Variants in NLGN4X observed in about 807,000 individuals in gnomAD.
The protein encoded by NLGN4X is neuroligin 4 X-linked.
A neutral mutation model predicts 40.3 loss-of-function variants in NLGN4X; 3 were observed. The ratio of observed to expected loss-of-function variants is 0.07; its 90% CI spans 0.03 to 0.19. The LOEUF (loss-of-function observed/expected upper bound fraction) is 0.19, where lower values mean the gene tolerates loss of function less well. Ranked by LOEUF, NLGN4X falls within the 10% of genes least tolerant of loss-of-function variation. The pLI is 1.00. For missense variants in NLGN4X, 382 were observed against 708.3 expected, an observed-to-expected ratio of 0.54 and a Z score of 5.23; for synonymous variants, 270 against 306.8, an observed-to-expected ratio of 0.88 and a Z score of 1.25.
At chrX:6,079,278 C>T (rs1255913552) in intron 2 of NLGN4X, among the ~76,000 whole-genome samples, 1 of 111,988 alleles carries the variant, frequency 8.9e-6, no homozygotes, top group East Asian at 2.8e-4. Context: ...AGACTACCAG[C>T]CCTATTACTA....
intron 1 of NLGN4X, among the ~76,000 whole-genome samples, chrX:6,165,841 A>G (rs920872936): frequency 4.5e-5 from 5 of 111,608 alleles, no homozygotes; most frequent in African/African-American, 6.5e-5. Flanking sequence ...GTGAGTACAT[A>G]GCAGGTGTAT....
At chrX:5,941,739 C>T (rs2033951796) in intron 3 of NLGN4X, among the ~76,000 whole-genome samples, 1 of 112,317 alleles carries the variant, frequency 8.9e-6, no homozygotes, top group African/African-American at 3.2e-5. Flanking sequence ...CCTGTGATTA[C>T]CCAAAGGAAT....
At chrX:6,048,947 C>G (rs1415720967) in intron 2 of NLGN4X, among the ~76,000 whole-genome samples, 5 of 106,951 alleles carry the variant, frequency 4.7e-5, no homozygotes, top group Admixed American at 1.0e-4. Flanking sequence ...CCATGGCACA[C>G]GTTTACCTAT....
intron 3 of NLGN4X, among the ~76,000 whole-genome samples, chrX:5,922,529 T>C (rs1023360033): frequency 8.9e-6 from 1 of 111,777 alleles, no homozygotes. Flanking sequence ...TATGCTGTAC[T>C]GCCTCAAACT....
chrX:6,214,874 A>G (rs767974830), intron 1 of NLGN4X, among the ~76,000 whole-genome samples: 2 of 112,313 alleles, frequency 1.8e-5, no homozygotes, highest in South Asian at 7.5e-4. Flanking sequence ...GCAATTAATT[A>G]ACACTTCAAA....
chrX:6,200,687 C>CTTTTTTTTTTTCTTTTTTTTTTTTTTTTT (rs1556005144), intron 1 of NLGN4X, among the ~76,000 whole-genome samples: 7 of 55,542 alleles, frequency 1.3e-4, no homozygotes, highest in East Asian at 4.6e-4. Flanking sequence ...CTTTCCTTTT[C>CTTTTTTTTTTTCTTTTTTTTTTTTTTTTT]TTTTTTTTTT....
At chrX:6,139,850 C>T (rs1602303377) in intron 2 of NLGN4X, among the ~76,000 whole-genome samples, 2 of 111,057 alleles carry the variant, frequency 1.8e-5, no homozygotes, top group African/African-American at 3.3e-5. Context: ...GATTTATTTA[C>T]TAATAATTTT....
intron 3 of NLGN4X, among the ~76,000 whole-genome samples, chrX:6,022,019 T>C (rs1443987339): frequency 5.3e-5 from 6 of 112,214 alleles, no homozygotes; most frequent in Admixed American, 2.8e-4. Context: ...TTTCACTTTC[T>C]CACCCTTCTC....
intron 1 of NLGN4X, among the ~76,000 whole-genome samples, chrX:6,221,391 T>TTTTTTATATATA (rs1491106130): frequency 3.7e-5 from 2 of 53,374 alleles, no homozygotes; most frequent in African/African-American, 1.5e-4. Context: ...CCTTCTTATA[T>TTTTTTATATATA]TATATATATA....
At chrX:6,016,904 GC>G (rs1168626916) in intron 3 of NLGN4X, among the ~76,000 whole-genome samples, 1 of 111,864 alleles carries the variant, frequency 8.9e-6, no homozygotes, top group Non-Finnish European at 1.9e-5. Context: ...TACATGAAAT[GC>G]CCCCAAAAGG....
intron 3 of NLGN4X, among the ~76,000 whole-genome samples, chrX:5,967,605 C>A (rs1181923438): frequency 9.0e-6 from 1 of 111,633 alleles, no homozygotes; most frequent in Non-Finnish European, 1.9e-5. Flanking sequence ...CATTGTCTTG[C>A]ACTGGGGAGA....
At chrX:6,017,373 T>G (rs1214245167) in intron 3 of NLGN4X, among the ~76,000 whole-genome samples, 1 of 111,736 alleles carries the variant, frequency 8.9e-6, no homozygotes, top group Non-Finnish European at 1.9e-5. Context: ...CAAAGAGGAA[T>G]GAAGAAGGAT....
intron 3 of NLGN4X, among the ~76,000 whole-genome samples, chrX:5,953,725 G>C (rs1340618419): frequency 8.9e-6 from 1 of 112,184 alleles, no homozygotes; most frequent in East Asian, 2.8e-4. Context: ...ATGCATTCGT[G>C]TTCGCCTGTA....
At chrX:5,941,186 T>C (rs1209081876) in intron 3 of NLGN4X, among the ~76,000 whole-genome samples, 1 of 37,256 alleles carries the variant, frequency 2.7e-5, no homozygotes, top group African/African-American at 7.8e-5. Flanking sequence ...AGGGGGTGTG[T>C]GTGTGTGTGT....
chrX:6,056,262 G>A lies in NLGN4X; in HGVS notation c.473-26830C>T, dbSNP rs761141222. Among the ~76,000 whole-genome samples, 3 of 111,581 alleles carry A rather than the reference G, an allele frequency of 2.7e-5. No homozygotes were observed. In the South Asian group the frequency reaches 1.1e-3, roughly 42 times the overall value. ...AGGCCAAGGTGTGTGGATCACTTGAGGTCAGGAGTTTGAGACCAGCCTGGC... is the reference window on the plus strand; with the variant it reads ...AGGCCAAGGTGTGTGGATCACTTGAAGTCAGGAGTTTGAGACCAGCCTGGC... On this transcript the variant is annotated intron_variant, in intron 2 of 5. Coordinates refer to ENST00000381095, the MANE Select transcript of NLGN4X (RefSeq NM_181332.3).
chrX:6,182,329 AG>A (rs2147806154), intron 1 of NLGN4X, among the ~76,000 whole-genome samples: 1 of 111,537 alleles, frequency 9.0e-6, no homozygotes, highest in Non-Finnish European at 1.9e-5. Flanking sequence ...GAAAGAGACA[AG>A]GGAAGAAGGA....
intron 2 of NLGN4X, among the ~76,000 whole-genome samples, chrX:6,038,576 T>G (rs890573774): frequency 8.9e-6 from 1 of 112,769 alleles, no homozygotes; most frequent in Non-Finnish European, 1.9e-5. Flanking sequence ...AACAGAAAAG[T>G]TCAGTTTCTG....
intron 1 of NLGN4X, among the ~76,000 whole-genome samples, chrX:6,153,817 C>T (rs1359094032): frequency 1.8e-5 from 2 of 111,970 alleles, no homozygotes; most frequent in Non-Finnish European, 3.8e-5. Context: ...GATCAAAACC[C>T]TCCTCTGCCT....
chrX:5,998,278 C>T (rs1015357126), intron 3 of NLGN4X, among the ~76,000 whole-genome samples: 4 of 109,229 alleles, frequency 3.7e-5, no homozygotes, highest in Non-Finnish European at 7.6e-5. Context: ...GGTGTGGTGG[C>T]AGGCTCCTGT....
Sources: gnomAD v4.1 joint callset for allele counts (sites outside exome capture counted in the v4.1 genomes callset) on GRCh38, gnomAD v4.1.1 for gene constraint, MANE v1.5 for transcripts, NCBI Gene and HGNC (gene_info 2026-07-23, HGNC 2026-07-21) for gene names.